ZNF577: variants seen among roughly 807,000 people sequenced by gnomAD.
The protein encoded by ZNF577 is zinc finger protein 577.
In ZNF577, 14 loss-of-function variants were observed where a neutral mutation model predicts 13.9. The observed-to-expected ratio is 1.00, with a 90% confidence interval of 0.66 to 1.57. ZNF577 has a LOEUF of 1.57. Among genes scored for constraint, ZNF577 ranks in the 40% most tolerant of loss-of-function variants. The probability of loss-of-function intolerance (pLI) is 0.00; values close to 1 mark genes in which losing one functional copy is unlikely to be tolerated. For missense variants in ZNF577, 555 were observed against 579.2 expected (o/e 0.96, Z 0.43); for synonymous variants, 203 against 202.9 (o/e 1.00, Z 0.00).
intron 9 of ZNF577, among the ~76,000 whole-genome samples, chr19:51,828,455 G>A (rs2084243067): frequency 6.6e-6 from 1 of 152,044 alleles, no homozygotes; most frequent in African/African-American, 2.4e-5. Flanking sequence ...CTTCCAGATG[G>A]GCTAATTAAG....
intron 10 of ZNF577, among the ~76,000 whole-genome samples, chr19:51,810,724 A>T (rs970152291): frequency 2.6e-5 from 4 of 152,214 alleles, no homozygotes; most frequent in Non-Finnish European, 5.9e-5. Flanking sequence ...AAAAACGCAT[A>T]GCACCAAACA....
intron 5 of ZNF577, chr19:51,861,163 G>A (rs1274051328): frequency 7.1e-6 from 2 of 280,948 alleles, no homozygotes; most frequent in African/African-American, 3.1e-5. Context: ...CTGTCACCCA[G>A]GCTGGAGTAC....
At position 51,824,663 on chromosome 19, in the gene ZNF577, G is replaced by A; in HGVS notation, c.*600-12989C>T. The A allele has an allele frequency of 1.2e-6, 2 of 1,614,090 alleles. No individual in the cohort carries two copies. Among genetic ancestry groups the A allele is most frequent in the Non-Finnish European group, 1.7e-6 (2 of 1,180,016 alleles). On this transcript the variant is annotated intron_variant and NMD_transcript_variant, in intron 9 of 10. Transcript: ENST00000638827. This position sits in a 1 kb window ranked among gnomAD's most constrained non-coding sequence, Gnocchi z 4.7. The stretch of plus-strand genomic sequence containing the variant: ...TCAACCCAATTCTCTACGTCTTTAT[G>A]GGTCGTAACTTCCAAGAAAGACTGA...
chr19:51,873,470 T>C lies in ZNF577; in HGVS notation c.520A>G (p.Ile174Val), dbSNP rs748753936. ...CCTCTTTCAGTTCTCTGATGTTGAATAAGCTGTGCTTTCCTGGAGAAGGCT... is the reference window on the plus strand; with the variant it reads ...CCTCTTTCAGTTCTCTGATGTTGAACAAGCTGTGCTTTCCTGGAGAAGGCT... ...GRAFSRKAQL[I>V]QHQRTERGEK... The change falls in exon 6 of 6, where the codon ATT becomes GTT. Residue 174 changes from isoleucine (I) to valine (V), a missense_variant. Physicochemically the swap from Ile to Val is conservative, Grantham distance 29 (BLOSUM62 3). Transcript: ENST00000638348. The C allele has an allele frequency of 3.7e-6, 6 of 1,614,112 alleles. No individual in the cohort carries two copies. In the African/African-American group the frequency reaches 5.3e-5, roughly 14 times the overall value.
chr19:51,846,771 C>G (rs2084354915), intron 5 of ZNF577, among the ~76,000 whole-genome samples: 1 of 152,074 alleles, frequency 6.6e-6, no homozygotes, highest in South Asian at 2.1e-4. Context: ...AGATGGCCAT[C>G]TGCAAACCAG....
At position 51,871,912 on chromosome 19, in the gene ZNF577, C is replaced by T. The variant is rs1382923588; in HGVS notation, c.*620G>A. 2 of 152,206 alleles carry T rather than the reference C, an allele frequency of 1.3e-5. No individual in the cohort carries two copies. The highest frequency in any genetic ancestry group is 2.9e-5 in the Non-Finnish European group (2 of 68,108). The allele number at this position is 152,206 out of a possible 1,614,324, so 9.4% of individuals were successfully genotyped here. On this transcript the variant is annotated 3_prime_UTR_variant, in exon 6 of 6. Transcript: ENST00000638348. ...TGAGATGCATTTGGACTTCAGTCCT[C>T]CAGAACTGTAAGATAATGATTTTGT...
At chr19:51,837,997 C>G (rs1007894200) in intron 9 of ZNF577, among the ~76,000 whole-genome samples, 1 of 152,124 alleles carries the variant, frequency 6.6e-6, no homozygotes, top group Non-Finnish European at 1.5e-5. Flanking sequence ...CAGATAAAAA[C>G]CCAGCCCAGA....
Position 51,873,471 on chromosome 19 carries a change from A to C in ZNF577, c.519T>G (p.Leu173=). Residue 173 remains leucine, a synonymous_variant, in exon 6 of 6, where the codon CTT becomes CTG. Transcript: ENST00000638348. The stretch of plus-strand genomic sequence containing the variant: ...CTCTTTCAGTTCTCTGATGTTGAAT[A>C]AGCTGTGCTTTCCTGGAGAAGGCTC... ...CGRAFSRKAQ[L]IQHQRTERGE... 1 of 1,614,106 alleles carries C rather than the reference A, an allele frequency of 6.2e-7. No individual in the cohort carries two copies. The highest frequency in any genetic ancestry group is 8.5e-7 in the Non-Finnish European group (1 of 1,180,020).
intron 5 of ZNF577, among the ~76,000 whole-genome samples, chr19:51,852,051 G>C (rs999679695): frequency 3.3e-5 from 5 of 152,138 alleles, no homozygotes; most frequent in African/African-American, 4.8e-5. Flanking sequence ...GAAAGTATAA[G>C]GCTTCCTACA....
rs2084955367 is a variant in ZNF577 at position 51,886,925 on chromosome 19, C to A, written c.-323G>T. ...CAAAAATGCTCAACTAGAAAAAAGA[C>A]GTCAATTTATAAGTTATATGTAATG... On this transcript the variant is annotated 5_prime_UTR_variant, in exon 1 of 6. Coordinates refer to ENST00000638348, the MANE Select transcript of ZNF577 (RefSeq NM_001370449.1). 6.6e-6 allele frequency: 1 copy of A among 151,932 alleles called. No individual in the cohort carries two copies. The highest frequency in any genetic ancestry group is 2.4e-5 in the African/African-American group (1 of 41,338). 9.4% of individuals were successfully genotyped at this position (151,932 alleles called of 1,614,324 possible).
chr19:51,883,842 A>T lies in ZNF577; in HGVS notation c.-218-2965T>A, dbSNP rs551464620. On this transcript the variant is annotated intron_variant, in intron 1 of 5. Coordinates refer to ENST00000638348, the MANE Select transcript of ZNF577 (RefSeq NM_001370449.1). ...AACCCCAGTACTTTGGGAGGCCGAC[A>T]TGGGCAGATCACTTGAGGTCAAGAG... Among the ~76,000 whole-genome samples the T allele has an allele frequency of 3.7e-4, 56 of 152,218 alleles. No individual in the cohort carries two copies. The South Asian group carries it at 5.4e-3, about 15-fold the overall frequency.
intron 9 of ZNF577, among the ~76,000 whole-genome samples, chr19:51,822,154 G>A (rs956716570): frequency 1.3e-5 from 2 of 152,208 alleles, no homozygotes; most frequent in African/African-American, 2.4e-5. Context: ...GTGACCTGGT[G>A]CAGAGGCAGG....
chr19:51,833,431 T>C (rs2084271293), intron 9 of ZNF577, among the ~76,000 whole-genome samples: 1 of 122,672 alleles, frequency 8.2e-6, no homozygotes, highest in South Asian at 3.3e-4. Flanking sequence ...CCGCTGGAAG[T>C]AGTTATGTTG....
intron 9 of ZNF577, among the ~76,000 whole-genome samples, chr19:51,823,422 G>A (rs1265472561): frequency 1.3e-5 from 2 of 152,148 alleles, no homozygotes; most frequent in Non-Finnish European, 2.9e-5. Context: ...CCTTCCTCAC[G>A]AAGCTGAAGC....
At chr19:51,812,879 G>C (rs1435608791) in intron 9 of ZNF577, among the ~76,000 whole-genome samples, 1 of 152,108 alleles carries the variant, frequency 6.6e-6, no homozygotes. Flanking sequence ...TCAGCATTTT[G>C]AGAGTCTGAG....
intron 9 of ZNF577, among the ~76,000 whole-genome samples, chr19:51,827,786 A>G (rs1448698841): frequency 1.3e-5 from 2 of 152,210 alleles, no homozygotes; most frequent in Non-Finnish European, 2.9e-5. Flanking sequence ...CTTTCTGCAC[A>G]TAAACACTCA....
intron 5 of ZNF577, among the ~76,000 whole-genome samples, chr19:51,857,511 A>G (rs1313343703): frequency 6.6e-6 from 1 of 152,202 alleles, no homozygotes; most frequent in Non-Finnish European, 1.5e-5. Context: ...ATAGACCACA[A>G]TTTCATATCT....
intron 10 of ZNF577, among the ~76,000 whole-genome samples, chr19:51,806,056 C>T (rs562433074): frequency 5.0e-4 from 76 of 152,288 alleles, no homozygotes; most frequent in Non-Finnish European, 8.5e-4. Flanking sequence ...TCCTTCTGAG[C>T]TGCCAAAAAG....
At chr19:51,825,698 G>A (rs2084227721) in intron 9 of ZNF577, 1 of 167,102 alleles carries the variant, frequency 6.0e-6, no homozygotes, top group Non-Finnish European at 1.5e-5. Context: ...ATTCCAGGAT[G>A]AGTGGCTCAA....
Sources: allele counts gnomAD v4.1 joint callset (sites outside exome capture counted in the v4.1 genomes callset), GRCh38; gene constraint gnomAD v4.1.1; non-coding constraint Gnocchi (gnomAD v3.1); transcripts MANE v1.5; gene names NCBI Gene and HGNC (gene_info 2026-07-23, HGNC 2026-07-21).